Variants in SERPINI1 observed in about 807,000 individuals in gnomAD.
The protein encoded by SERPINI1 is serpin family I member 1.
In SERPINI1, 19 loss-of-function variants were observed where a neutral mutation model predicts 41.1. That is an observed-to-expected ratio of 0.46 (90% CI 0.32 to 0.68). The LOEUF is 0.68. SERPINI1 is among the 30% of genes least tolerant of loss of function. SERPINI1 has a pLI of 0.03. For missense variants in SERPINI1, 460 were observed against 479.2 expected, an observed-to-expected ratio of 0.96 and a Z score of 0.37; for synonymous variants, 138 against 156.6, an observed-to-expected ratio of 0.88 and a Z score of 0.89.
chr3:167,749,691 A>G (rs768801715), intron 1 of SERPINI1, among the ~76,000 whole-genome samples: 1 of 152,208 alleles, frequency 6.6e-6, no homozygotes, highest in Non-Finnish European at 1.5e-5. Context: ...AACCCAGCCA[A>G]ATTCCTTGCT....
intron 6 of SERPINI1, among the ~76,000 whole-genome samples, chr3:167,818,866 T>G (rs745340959): frequency 1.3e-5 from 2 of 152,196 alleles, no homozygotes; most frequent in East Asian, 1.9e-4. Flanking sequence ...TTGGAGGCAA[T>G]TTCCTATGTG....
intron 1 of SERPINI1, among the ~76,000 whole-genome samples, chr3:167,738,118 C>G (rs1021580603): frequency 5.3e-5 from 8 of 152,142 alleles, no homozygotes; most frequent in Admixed American, 2.0e-4. Flanking sequence ...CGTTATATGG[C>G]AGTTTATAAT....
At chr3:167,791,196 CATTTT>C (rs1727496826) in intron 3 of SERPINI1, among the ~76,000 whole-genome samples, 1 of 151,980 alleles carries the variant, frequency 6.6e-6, no homozygotes, top group African/African-American at 2.4e-5. Flanking sequence ...CATATTTTAG[CATTTT>C]ATTTTCCAAT....
At chr3:167,757,650 G>A (rs1442009055) in intron 1 of SERPINI1, among the ~76,000 whole-genome samples, 1 of 152,148 alleles carries the variant, frequency 6.6e-6, no homozygotes, top group Non-Finnish European at 1.5e-5. Context: ...TGGGTGTGGT[G>A]GCTCATGCCT....
At chr3:167,774,894 T>A (rs1726911486) in intron 1 of SERPINI1, among the ~76,000 whole-genome samples, 2 of 152,020 alleles carry the variant, frequency 1.3e-5, no homozygotes. Context: ...AAAATAACAG[T>A]TGTGAGGCTG....
chr3:167,792,182 T>G (rs936978573), intron 3 of SERPINI1, among the ~76,000 whole-genome samples: 1 of 152,126 alleles, frequency 6.6e-6, no homozygotes, highest in African/African-American at 2.4e-5. Flanking sequence ...GAGTGTTTAC[T>G]CTGTGTTAAG....
intron 6 of SERPINI1, among the ~76,000 whole-genome samples, chr3:167,810,428 G>T (rs1020327404): frequency 2.0e-5 from 3 of 152,100 alleles, no homozygotes; most frequent in African/African-American, 4.8e-5. Context: ...CCAATAAAAT[G>T]AGTCACATGA....
At chr3:167,742,313 C>T (rs1026219015) in intron 1 of SERPINI1, among the ~76,000 whole-genome samples, 5 of 152,108 alleles carry the variant, frequency 3.3e-5, no homozygotes, top group East Asian at 1.9e-4. Context: ...CAACTAGAAA[C>T]GCTTTCAGCT....
intron 1 of SERPINI1, among the ~76,000 whole-genome samples, chr3:167,771,854 C>T (rs917409022): frequency 2.6e-5 from 4 of 151,792 alleles, no homozygotes; most frequent in African/African-American, 4.9e-5. Flanking sequence ...TGTGCGCGCA[C>T]GCGCACGCAC....
chr3:167,747,710 G>A (rs1257041629), intron 1 of SERPINI1, among the ~76,000 whole-genome samples: 1 of 152,038 alleles, frequency 6.6e-6, no homozygotes, highest in African/African-American at 2.4e-5. Flanking sequence ...TATGATATGC[G>A]AACTATATTT....
chr3:167,812,807 T>C (rs767444720), intron 6 of SERPINI1, among the ~76,000 whole-genome samples: 2 of 152,216 alleles, frequency 1.3e-5, no homozygotes, highest in Non-Finnish European at 2.9e-5. Context: ...TAAAGGCTCA[T>C]ACAATAAACA....
At chr3:167,792,452 A>T in intron 3 of SERPINI1, 138 bp from the exon 4 acceptor site, 1 of 648,212 alleles carries the variant, frequency 1.5e-6, no homozygotes, top group Non-Finnish European at 2.7e-6. Context: ...TGGAAGTAAG[A>T]TACTTTTTAT....
At chr3:167,785,060 G>C (rs1458832872) in intron 1 of SERPINI1, among the ~76,000 whole-genome samples, 1 of 152,086 alleles carries the variant, frequency 6.6e-6, no homozygotes, top group Non-Finnish European at 1.5e-5. Context: ...GGCCAACATG[G>C]TGAAACCCCG....
chr3:167,764,362 G>T (rs538675686), intron 1 of SERPINI1, among the ~76,000 whole-genome samples: 5 of 152,308 alleles, frequency 3.3e-5, no homozygotes, highest in Non-Finnish European at 7.4e-5. Context: ...TGGAAGGCAA[G>T]GAGGAGCAAG....
chr3:167,793,181 T>A (rs1376820637), intron 4 of SERPINI1, among the ~76,000 whole-genome samples: 1 of 152,258 alleles, frequency 6.6e-6, no homozygotes, highest in East Asian at 1.9e-4. Flanking sequence ...CAAAGACTTT[T>A]AAAAAAATTT....
At chr3:167,770,382 A>G (rs1726709922) in intron 1 of SERPINI1, among the ~76,000 whole-genome samples, 1 of 152,018 alleles carries the variant, frequency 6.6e-6, no homozygotes, top group African/African-American at 2.4e-5. Context: ...TTACTGAATA[A>G]TCTCTTTTAA....
intron 1 of SERPINI1, among the ~76,000 whole-genome samples, chr3:167,767,509 A>G (rs1726605194): frequency 6.6e-6 from 1 of 152,196 alleles, no homozygotes; most frequent in Non-Finnish European, 1.5e-5. Flanking sequence ...TTATTTAAAA[A>G]TATATTTTGT....
In SERPINI1 at chr3:167,825,495, T is replaced by G. The variant is rs886058170; in HGVS notation, c.*172T>G. 8 of 604,710 alleles carry G rather than the reference T, an allele frequency of 1.3e-5. No homozygotes were observed. In the African/African-American group the frequency reaches 1.5e-4, roughly 11 times the overall value. 37.5% of individuals were successfully genotyped at this position (604,710 alleles called of 1,614,324 possible). A position where few individuals can be genotyped will look rare whatever the true frequency, so the allele number is the denominator to read the frequency against. On this transcript the variant is annotated 3_prime_UTR_variant, in exon 9 of 9. Transcript: ENST00000446050. ...AACTTGTCAAGGAATGTTATCAGTA[T>G]TAAGCTAATGGTCCTGTTATGTCAT... is the stretch of plus-strand genomic sequence containing the variant.
At chr3:167,762,015 A>G (rs943832125) in intron 1 of SERPINI1, among the ~76,000 whole-genome samples, 5 of 152,144 alleles carry the variant, frequency 3.3e-5, no homozygotes, top group Admixed American at 3.3e-4. Flanking sequence ...AATGCCATGA[A>G]AAACGTTCTT....
Sources: gnomAD v4.1 joint callset for allele counts (sites outside exome capture counted in the v4.1 genomes callset) on GRCh38, gnomAD v4.1.1 for gene constraint, MANE v1.5 for transcripts, NCBI Gene and HGNC (gene_info 2026-07-23, HGNC 2026-07-21) for gene names.